KANK1: variants seen among roughly 807,000 people sequenced by gnomAD.
KANK1 encodes KN motif and ankyrin repeat domain-containing protein 1.
KANK1 carries 109 observed loss-of-function variants against 106.2 expected under a neutral mutation model. The ratio of observed to expected loss-of-function variants is 1.03; its 90% CI spans 0.88 to 1.20. KANK1 has a LOEUF of 1.20. Ranked by LOEUF, KANK1 falls within the 50% of genes most tolerant of loss-of-function variation. The probability of loss-of-function intolerance (pLI) is 0.00; values close to 1 mark genes in which losing one functional copy is unlikely to be tolerated. For synonymous variants in KANK1, 873 were observed against 652.2 expected (o/e 1.34, Z -5.16); for missense variants, 2,399 against 1,710.7 (o/e 1.40, Z -7.10).
chr9:514,458 A>G (rs1333105377), intron 1 of KANK1, among the ~76,000 whole-genome samples: 1 of 150,474 alleles, frequency 6.6e-6, no homozygotes, highest in African/African-American at 2.5e-5. Flanking sequence ...TCTTGGTGTC[A>G]TATCCCCTTC....
chr9:739,252 G>T (rs567236970), intron 8 of KANK1, among the ~76,000 whole-genome samples: 2 of 152,246 alleles, frequency 1.3e-5, no homozygotes, highest in African/African-American at 4.8e-5. Context: ...TTTAATTTTT[G>T]TAATACATAT....
At position 676,876 on chromosome 9, in the gene KANK1, CTT is replaced by C. The variant is rs1318496201; in HGVS notation, c.-83-12_-83-11del. On this transcript the variant is annotated splice_polypyrimidine_tract_variant and intron_variant, in intron 1 of 11. Transcript: ENST00000382297. The stretch of plus-strand genomic sequence containing the variant: ...AAATGATCCATTTTGATGGGGCTCT[CTT>C]TATTGTTTCAGGTTGAATGCCTTTG... 8 of 916,068 alleles carry C rather than the reference CTT, an allele frequency of 8.7e-6. 1 individual carries two copies. In the African/African-American group the frequency reaches 1.2e-4, roughly 13 times the overall value. 56.7% of individuals were successfully genotyped at this position (916,068 alleles called of 1,614,324 possible). A position where few individuals can be genotyped will look rare whatever the true frequency, so the allele number is the denominator to read the frequency against.
chr9:671,374 G>A (rs1263995681), intron 1 of KANK1, among the ~76,000 whole-genome samples: 10 of 151,820 alleles, frequency 6.6e-5, no homozygotes, highest in South Asian at 2.1e-4. Context: ...GGCCGGGCGC[G>A]GTGGCTCACA....
intron 2 of KANK1, among the ~76,000 whole-genome samples, chr9:710,486 T>A (rs1344412065): frequency 1.3e-5 from 2 of 151,794 alleles, no homozygotes; most frequent in Non-Finnish European, 1.5e-5. Context: ...GGCGTGGTGG[T>A]GCACCCCTGT....
chr9:596,295 A>G (rs1826189030), intron 1 of KANK1, among the ~76,000 whole-genome samples: 1 of 151,820 alleles, frequency 6.6e-6, no homozygotes, highest in Admixed American at 6.5e-5. Context: ...GTTCCTACCC[A>G]CATCCCTGTG....
At chr9:608,683 A>C (rs3812527) in intron 1 of KANK1, among the ~76,000 whole-genome samples, 39,086 of 151,798 alleles carry the variant, frequency 0.26, 5,309 homozygotes, top group Admixed American at 0.34. Context: ...GGAGATAAAC[A>C]GAATTGAAAA....
At chr9:672,818 C>T (rs1175974470) in intron 1 of KANK1, among the ~76,000 whole-genome samples, 1 of 152,152 alleles carries the variant, frequency 6.6e-6, no homozygotes, top group Non-Finnish European at 1.5e-5. Context: ...CTTCAGTCTC[C>T]CGAAATAAAT....
At chr9:531,186 C>A (rs2133524991) in intron 1 of KANK1, among the ~76,000 whole-genome samples, 1 of 152,054 alleles carries the variant, frequency 6.6e-6, no homozygotes, top group South Asian at 2.1e-4. Flanking sequence ...TGCCTATAAT[C>A]CCAGGACTTT....
At chr9:647,966 G>A (rs1840056703) in intron 1 of KANK1, among the ~76,000 whole-genome samples, 1 of 149,384 alleles carries the variant, frequency 6.7e-6, no homozygotes, top group Admixed American at 6.6e-5. Flanking sequence ...GCCAGTCTAC[G>A]GATTAGAGAC....
chr9:545,586 G>A (rs183936367), intron 1 of KANK1, among the ~76,000 whole-genome samples: 31 of 152,184 alleles, frequency 2.0e-4, no homozygotes, highest in Non-Finnish European at 3.7e-4. Context: ...TTTTCAAGGA[G>A]GCAGTGGTTA....
At chr9:560,514 C>G (rs1436099721) in intron 1 of KANK1, among the ~76,000 whole-genome samples, 1 of 152,186 alleles carries the variant, frequency 6.6e-6, no homozygotes, top group Non-Finnish European at 1.5e-5. Context: ...TGTAGGGAGA[C>G]TTTAGAGGCA....
At chr9:563,752 G>A (rs1817096524) in intron 1 of KANK1, among the ~76,000 whole-genome samples, 1 of 152,146 alleles carries the variant, frequency 6.6e-6, no homozygotes, top group Non-Finnish European at 1.5e-5. Context: ...ATTGCTCTAT[G>A]GTTCAGAAAT....
intron 3 of KANK1, among the ~76,000 whole-genome samples, chr9:727,114 A>G (rs10976096): frequency 0.074 from 11,261 of 152,248 alleles, 1,029 homozygotes; most frequent in East Asian, 0.23. Flanking sequence ...GTATAAATAT[A>G]CCAGTGCTTA....
In KANK1 at chr9:745,277, T is replaced by C. The variant is rs147615192; in HGVS notation, c.*42T>C. On this transcript the variant is annotated 3_prime_UTR_variant, in exon 12 of 12. Transcript: ENST00000382297. ...CTTTATTTACATGCCACTATTAAGCTGCTAATTGTTCCTGTTGGGGTGACA... is the reference window on the plus strand; with the variant it reads ...CTTTATTTACATGCCACTATTAAGCCGCTAATTGTTCCTGTTGGGGTGACA... The C allele has an allele frequency of 1.2e-6, 2 of 1,611,812 alleles. No individual in the cohort carries two copies. Among genetic ancestry groups the C allele is most frequent in the East Asian group, 2.2e-5 (1 of 44,870 alleles).
chr9:652,812 C>A (rs567352753), intron 1 of KANK1, among the ~76,000 whole-genome samples: 6 of 152,136 alleles, frequency 3.9e-5, no homozygotes, highest in Admixed American at 3.3e-4. Context: ...CTTTCTCTGT[C>A]ATGCATTTCT....
At chr9:483,301 G>A (rs188107008) in intron 3 of KANK1, among the ~76,000 whole-genome samples, 1 of 152,254 alleles carries the variant, frequency 6.6e-6, no homozygotes, top group Non-Finnish European at 1.5e-5. Context: ...CACCACATTT[G>A]AATCATCTGG....
chr9:717,340 G>T (rs1828002234), intron 3 of KANK1, among the ~76,000 whole-genome samples: 1 of 152,034 alleles, frequency 6.6e-6, no homozygotes, highest in African/African-American at 2.4e-5. Flanking sequence ...TATAATAAAA[G>T]AGTTAAAGCC....
chr9:550,147 A>G (rs1157268859), intron 1 of KANK1, among the ~76,000 whole-genome samples: 1 of 151,928 alleles, frequency 6.6e-6, no homozygotes, highest in Non-Finnish European at 1.5e-5. Flanking sequence ...AAGCAATCAC[A>G]TTGCAGGTGG....
At chr9:652,934 C>T (rs2137642584) in intron 1 of KANK1, among the ~76,000 whole-genome samples, 1 of 152,262 alleles carries the variant, frequency 6.6e-6, no homozygotes, top group East Asian at 1.9e-4. Flanking sequence ...GAACACAGAG[C>T]CCAGGTGTTT....
Sources: gnomAD v4.1 joint callset for allele counts (sites outside exome capture counted in the v4.1 genomes callset) on GRCh38, gnomAD v4.1.1 for gene constraint, MANE v1.5 for transcripts, NCBI Gene and HGNC (gene_info 2026-07-23, HGNC 2026-07-21) for gene names.